Variants in GRIP1 observed in about 807,000 individuals in gnomAD.
The protein encoded by GRIP1 is glutamate receptor-interacting protein 1.
A neutral mutation model predicts 129.9 loss-of-function variants in GRIP1; 45 were observed. The ratio of observed to expected loss-of-function variants is 0.35; its 90% CI spans 0.27 to 0.44. The LOEUF is 0.44. GRIP1 is among the 20% of genes least tolerant of loss of function. The pLI is 1.00. For synonymous variants in GRIP1, 530 were observed against 520.8 expected (o/e 1.02, Z -0.24); for missense variants, 1,196 against 1,396.8 (o/e 0.86, Z 2.29).
chr12:66,955,267 T>A (rs1237075972), intron 1 of GRIP1, among the ~76,000 whole-genome samples: 2 of 152,030 alleles, frequency 1.3e-5, no homozygotes, highest in Non-Finnish European at 2.9e-5. Context: ...TAAAACTGGG[T>A]TTCAGCCTGA....
chr12:66,500,435 A>T (rs2138766763), intron 7 of GRIP1, among the ~76,000 whole-genome samples: 1 of 152,316 alleles, frequency 6.6e-6, no homozygotes, highest in Non-Finnish European at 1.5e-5. Flanking sequence ...AGGTCTGGGA[A>T]AGGCTGGGTA....
rs374578272 is a variant in GRIP1 at position 67,053,778 on chromosome 12, C to T, written c.58+15272G>A. On this transcript the variant is annotated intron_variant, in intron 1 of 1. Coordinates refer to the GRIP1 transcript ENST00000643019. ...ACTTGAACCTGGGAAGTGGAGGTTG[C>T]AATGAGCCGAGATCGCACCACTGCA... is the stretch of plus-strand genomic sequence containing the variant. Among the ~76,000 whole-genome samples the T allele has an allele frequency of 2.6e-4, 39 of 150,802 alleles. No individual in the cohort carries two copies. The East Asian group carries it at 6.6e-3, about 26-fold the overall frequency.
intron 2 of GRIP1, among the ~76,000 whole-genome samples, chr12:66,559,931 A>C (rs1228095563): frequency 6.6e-6 from 1 of 152,196 alleles, no homozygotes; most frequent in Non-Finnish European, 1.5e-5. Context: ...CTACAGTTCT[A>C]TAGTAGCCAA....
intron 1 of GRIP1, among the ~76,000 whole-genome samples, chr12:66,879,333 C>T (rs2040435146): frequency 6.6e-6 from 1 of 151,964 alleles, no homozygotes; most frequent in East Asian, 1.9e-4. Flanking sequence ...TTACTACATA[C>T]CAGGTGCTTA....
At chr12:66,569,320 T>C (rs975149682) in intron 2 of GRIP1, 2 of 159,012 alleles carry the variant, frequency 1.3e-5, no homozygotes, top group African/African-American at 2.4e-5. Context: ...CTGCTAAAAA[T>C]ACAAAAATTA....
chr12:66,951,183 T>A (rs752077777), intron 1 of GRIP1, among the ~76,000 whole-genome samples: 9 of 152,210 alleles, frequency 5.9e-5, no homozygotes, highest in Non-Finnish European at 1.2e-4. Flanking sequence ...GATAAAAACA[T>A]AATGAAGACT....
chr12:66,663,337 A>G (rs1230730925), intron 1 of GRIP1, among the ~76,000 whole-genome samples: 1 of 152,224 alleles, frequency 6.6e-6, no homozygotes, highest in African/African-American at 2.4e-5. Flanking sequence ...CATTGTGTAG[A>G]GAATTTAACT....
chr12:66,429,406 A>G lies in GRIP1; in HGVS notation c.1768+3142T>C, dbSNP rs150965002. Among the ~76,000 whole-genome samples the G allele has an allele frequency of 1.9e-4, 29 of 152,320 alleles. No individual in the cohort carries two copies. In the East Asian group the frequency reaches 5.4e-3, roughly 28 times the overall value. The stretch of plus-strand genomic sequence containing the variant: ...GATTTTGTGGGCTGGAGCTGTGCTT[A>G]AAATATTTTAGCAGGCATGGTGGCT... On this transcript the variant is annotated intron_variant, in intron 14 of 24. Transcript: ENST00000359742.
At chr12:66,354,661 C>G (rs2054393846) in intron 23 of GRIP1, among the ~76,000 whole-genome samples, 1 of 152,142 alleles carries the variant, frequency 6.6e-6, no homozygotes, top group African/African-American at 2.4e-5. Flanking sequence ...ACAACTAATG[C>G]ATGAATACAT....
chr12:66,848,322 C>G (rs1012658331), intron 1 of GRIP1, among the ~76,000 whole-genome samples: 2 of 151,996 alleles, frequency 1.3e-5, no homozygotes, highest in African/African-American at 4.8e-5. Context: ...GTGAGTCAGT[C>G]ATTCAGTACT....
chr12:66,517,300 T>G (rs532854297), intron 6 of GRIP1, among the ~76,000 whole-genome samples: 32 of 152,234 alleles, frequency 2.1e-4, no homozygotes, highest in East Asian at 1.4e-3. Context: ...ACAGGAAAGT[T>G]GAAGGCATTT....
chr12:66,662,600 G>T (rs1000112773), intron 1 of GRIP1, among the ~76,000 whole-genome samples: 1 of 152,036 alleles, frequency 6.6e-6, no homozygotes, highest in Non-Finnish European at 1.5e-5. Flanking sequence ...ATATTTTGTG[G>T]TATACAAGCC....
At chr12:66,590,779 T>C (rs1359036364) in intron 2 of GRIP1, among the ~76,000 whole-genome samples, 1 of 152,216 alleles carries the variant, frequency 6.6e-6, no homozygotes, top group Non-Finnish European at 1.5e-5. Context: ...CTATATTCCA[T>C]TCATTAGTCT....
intron 1 of GRIP1, among the ~76,000 whole-genome samples, chr12:66,926,819 A>T (rs1023439467): frequency 1.3e-5 from 2 of 152,226 alleles, no homozygotes; most frequent in African/African-American, 4.8e-5. Context: ...ATATAACTCT[A>T]TTAAAATAAC....
At chr12:66,679,132 C>T, upstream of GRIP1, 1 of 1,442,348 alleles carries the variant, frequency 6.9e-7, no homozygotes, top group Non-Finnish European at 9.1e-7. Flanking sequence ...AGCCTCCTCC[C>T]CCTTCACAAT....
chr12:66,551,858 A>C (rs2062151039), intron 2 of GRIP1, among the ~76,000 whole-genome samples: 1 of 152,156 alleles, frequency 6.6e-6, no homozygotes, highest in African/African-American at 2.4e-5. Flanking sequence ...CTGGGACTAC[A>C]GGCATGAGCC....
intron 1 of GRIP1, among the ~76,000 whole-genome samples, chr12:66,968,879 T>C (rs961895548): frequency 7.2e-5 from 11 of 152,164 alleles, no homozygotes; most frequent in Non-Finnish European, 1.2e-4. Flanking sequence ...AAGAACTTCT[T>C]TTAACATTTT....
chr12:66,543,651 G>T (rs1269433874), intron 2 of GRIP1, among the ~76,000 whole-genome samples: 2 of 152,022 alleles, frequency 1.3e-5, no homozygotes, highest in African/African-American at 4.8e-5. Flanking sequence ...CTGGCAGAAG[G>T]CTAGGTATAA....
chr12:67,023,019 TAC>T (rs1291373250), intron 1 of GRIP1, among the ~76,000 whole-genome samples: 2 of 152,202 alleles, frequency 1.3e-5, no homozygotes, highest in East Asian at 3.8e-4. Context: ...TATTTATTAT[TAC>T]AGAGTTTTGA....
Sources: allele counts gnomAD v4.1 joint callset (sites outside exome capture counted in the v4.1 genomes callset), GRCh38; gene constraint gnomAD v4.1.1; transcripts MANE v1.5; gene names NCBI Gene and HGNC (gene_info 2026-07-23, HGNC 2026-07-21).